The following ZNF385D variants were observed in gnomAD, a reference collection of about 807,000 sequenced individuals.
The protein encoded by ZNF385D is zinc finger protein 659.
In ZNF385D, 15 loss-of-function variants were observed where a neutral mutation model predicts 35.8. The ratio of observed to expected loss-of-function variants is 0.42; its 90% confidence interval spans 0.28 to 0.64. The LOEUF is 0.64. Among genes scored for constraint, ZNF385D ranks in the 30% least tolerant of loss-of-function variants. ZNF385D has a pLI of 0.23. For synonymous variants in ZNF385D, 212 were observed against 186.8 expected (o/e 1.13, Z -1.10); for missense variants, 474 against 494.6 (o/e 0.96, Z 0.39).
At chr3:21,570,904 G>A (rs2125674796) in intron 2 of ZNF385D, among the ~76,000 whole-genome samples, 1 of 152,234 alleles carries the variant, frequency 6.6e-6, no homozygotes, top group Middle Eastern at 3.4e-3. Flanking sequence ...TTAGTAAAAT[G>A]TTTTTATATT....
chr3:21,975,438 G>A (rs1009486785), intron 3 of ZNF385D, among the ~76,000 whole-genome samples: 1 of 151,884 alleles, frequency 6.6e-6, no homozygotes, highest in Non-Finnish European at 1.5e-5. Flanking sequence ...TAATTAATGG[G>A]TTCAAATATA....
At chr3:21,599,141 T>G (rs1206444973) in intron 2 of ZNF385D, among the ~76,000 whole-genome samples, 1 of 152,236 alleles carries the variant, frequency 6.6e-6, no homozygotes, top group African/African-American at 2.4e-5. Context: ...CATTGCAGAC[T>G]AACTTTGTTA....
Position 22,211,291 on chromosome 3 carries a change from G to C in ZNF385D, c.107-42256C>G, listed in dbSNP as rs181758480. On this transcript the variant is annotated intron_variant, in intron 2 of 5. Coordinates refer to the ZNF385D transcript ENST00000494108. ...ATATTCCTCAGTATTAACAATTACA[G>C]ACTGGAAAAGCAAAAAATGTTCTGA... is the stretch of plus-strand genomic sequence containing the variant. Among the ~76,000 whole-genome samples, 14 of 151,898 alleles carry C rather than the reference G, an allele frequency of 9.2e-5. No individual in the cohort carries two copies. The South Asian group carries it at 2.7e-3, about 29-fold the overall frequency.
At chr3:21,969,694 G>A (rs1290636143) in intron 3 of ZNF385D, among the ~76,000 whole-genome samples, 1 of 152,014 alleles carries the variant, frequency 6.6e-6, no homozygotes, top group Non-Finnish European at 1.5e-5. Context: ...GGGTCCTTGG[G>A]CTTTAAGTGA....
chr3:21,967,487 C>G (rs765141516), intron 3 of ZNF385D, among the ~76,000 whole-genome samples: 4 of 152,158 alleles, frequency 2.6e-5, no homozygotes, highest in Non-Finnish European at 5.9e-5. Flanking sequence ...AACAATGGAT[C>G]TCAAATCACT....
chr3:22,056,319 TAC>T (rs1198320981), intron 3 of ZNF385D, among the ~76,000 whole-genome samples: 1 of 136,724 alleles, frequency 7.3e-6, no homozygotes, highest in Non-Finnish European at 1.6e-5. Flanking sequence ...TTCAATGTGA[TAC>T]AGATACCTAG....
intron 3 of ZNF385D, among the ~76,000 whole-genome samples, chr3:21,921,811 G>A (rs1445269107): frequency 6.8e-6 from 1 of 147,410 alleles, no homozygotes; most frequent in Non-Finnish European, 1.5e-5. Flanking sequence ...ACCCTGAACA[G>A]ACCAGCAAGT....
intron 3 of ZNF385D, among the ~76,000 whole-genome samples, chr3:22,061,863 T>C (rs547195737): frequency 2.0e-5 from 3 of 152,312 alleles, no homozygotes; most frequent in South Asian, 4.1e-4. Context: ...TGTTTATTGA[T>C]TGTCTCTGCC....
At chr3:22,249,956 A>C (rs1282996443) in intron 2 of ZNF385D, among the ~76,000 whole-genome samples, 1 of 152,188 alleles carries the variant, frequency 6.6e-6, no homozygotes, top group African/African-American at 2.4e-5. Flanking sequence ...ATATTTTCTC[A>C]GGGAGATATT....
At chr3:21,423,858 A>G (rs1014299125) in intron 7 of ZNF385D, 105 bp downstream of exon 7, 19 of 1,019,256 alleles carry the variant, frequency 1.9e-5, no homozygotes, top group Non-Finnish European at 2.6e-5. Context: ...CAAAAAGGTA[A>G]AAGGTACTGG....
chr3:21,805,945 C>G (rs1457721065), intron 3 of ZNF385D, among the ~76,000 whole-genome samples: 1 of 152,180 alleles, frequency 6.6e-6, no homozygotes, highest in Non-Finnish European at 1.5e-5. Flanking sequence ...AGATGGCAAT[C>G]TGGGAGAGGT....
chr3:21,884,886 C>T (rs1239095900), intron 3 of ZNF385D, among the ~76,000 whole-genome samples: 1 of 147,196 alleles, frequency 6.8e-6, no homozygotes, highest in African/African-American at 2.5e-5. Flanking sequence ...GAAAGTATGA[C>T]CCTCAATCCA....
chr3:22,162,898 G>A (rs563531530), intron 3 of ZNF385D, among the ~76,000 whole-genome samples: 4 of 152,286 alleles, frequency 2.6e-5, no homozygotes, highest in East Asian at 3.9e-4. Flanking sequence ...TTCCCAAGAA[G>A]CAGAGTCTAA....
At chr3:21,649,151 G>C (rs1204931169) in intron 2 of ZNF385D, among the ~76,000 whole-genome samples, 1 of 152,022 alleles carries the variant, frequency 6.6e-6, no homozygotes, top group Non-Finnish European at 1.5e-5. Context: ...ATTGCATACT[G>C]ACATTCAGAA....
At chr3:22,295,747 T>C (rs1020054973) in intron 2 of ZNF385D, among the ~76,000 whole-genome samples, 2 of 152,046 alleles carry the variant, frequency 1.3e-5, no homozygotes, top group Non-Finnish European at 2.9e-5. Flanking sequence ...AGGCACAAAT[T>C]TAATATTTTT....
intron 2 of ZNF385D, among the ~76,000 whole-genome samples, chr3:22,340,820 C>G (rs920245233): frequency 1.3e-5 from 2 of 152,330 alleles, no homozygotes; most frequent in East Asian, 3.9e-4. Flanking sequence ...TTCACAGGCT[C>G]ACTGCCTTTT....
In ZNF385D at chr3:22,253,021, A is replaced by G. The variant is rs138830493; in HGVS notation, c.107-83986T>C. Among the ~76,000 whole-genome samples, 717 of 152,230 alleles carry G rather than the reference A, an allele frequency of 4.7e-3. 5 individuals carry two copies. The highest frequency in any genetic ancestry group is 0.016 in the African/African-American group (678 of 41,564). On this transcript the variant is annotated intron_variant, in intron 2 of 5. Coordinates refer to the ZNF385D transcript ENST00000494108. ...AGATGATTGTGCAGGCACAGTGTTA[A>G]CCTGAATTGAAAAGCAAAGAGATTT...
Position 22,220,506 on chromosome 3 carries a change from G to A in ZNF385D, c.107-51471C>T, listed in dbSNP as rs530917033. On this transcript the variant is annotated intron_variant, in intron 2 of 5. Transcript: ENST00000494108. ...CGTCAGTGGAACCTATTTCCCACAGGGCAAAAGTCCTTGATCATCTGAATC... is the reference window on the plus strand; with the variant it reads ...CGTCAGTGGAACCTATTTCCCACAGAGCAAAAGTCCTTGATCATCTGAATC... Among the ~76,000 whole-genome samples, 119 of 152,132 alleles carry A rather than the reference G, an allele frequency of 7.8e-4. 2 individuals are homozygous for A. In the South Asian group the frequency reaches 0.024, roughly 31 times the overall value.
intron 2 of ZNF385D, among the ~76,000 whole-genome samples, chr3:21,600,449 A>G (rs986652894): frequency 1.3e-5 from 2 of 152,224 alleles, no homozygotes; most frequent in Non-Finnish European, 2.9e-5. Context: ...ATGCCTCTCA[A>G]TAACATCTGA....
Sources: allele counts gnomAD v4.1 joint callset (sites outside exome capture counted in the v4.1 genomes callset), GRCh38; gene constraint gnomAD v4.1.1; transcripts MANE v1.5; gene names NCBI Gene and HGNC (gene_info 2026-07-23, HGNC 2026-07-21).